ARMC2: variants seen among roughly 807,000 people sequenced by gnomAD.
ARMC2 encodes armadillo repeat-containing protein 2.
ARMC2 carries 67 observed loss-of-function variants against 90.3 expected under a neutral mutation model. The ratio of observed to expected loss-of-function variants is 0.74; its 90% CI spans 0.61 to 0.91. ARMC2 has a LOEUF of 0.91. ARMC2 is among the 40% of genes least tolerant of loss of function. The pLI is 0.00. For synonymous variants in ARMC2, 393 were observed against 393.0 expected, an observed-to-expected ratio of 1.00 and a Z score of 0.00; for missense variants, 920 against 1,030.9, an observed-to-expected ratio of 0.89 and a Z score of 1.47.
chr6:108,858,526 A>G (rs1392052907), intron 3 of ARMC2, among the ~76,000 whole-genome samples: 1 of 151,708 alleles, frequency 6.6e-6, no homozygotes, highest in Non-Finnish European at 1.5e-5. Context: ...CTTGGTAAGC[A>G]ATATTTCACA....
rs1438431466 is a variant in ARMC2 at position 108,904,101 on chromosome 6, T to C, written c.848-129T>C. ...TGGAAGTGATAAGATAAGAAAAAAA[T>C]AGAGGTCAGGAATTTGAAGATATCC... is the stretch of plus-strand genomic sequence containing the variant. On this transcript the variant is annotated intron_variant, in intron 7 of 17. Coordinates refer to ENST00000392644, the MANE Select transcript of ARMC2 (RefSeq NM_032131.6). The C allele has an allele frequency of 8.3e-6, 9 of 1,085,866 alleles. No individual in the cohort carries two copies. The East Asian group carries it at 2.0e-4, about 24-fold the overall frequency. 67.3% of individuals were successfully genotyped at this position (1,085,866 alleles called of 1,614,324 possible). A position where few individuals can be genotyped will look rare whatever the true frequency, so the allele number is the denominator to read the frequency against.
At chr6:108,980,993 T>C in the ARMC2 span, among the ~76,000 whole-genome samples, 1 of 152,230 alleles carries the variant, frequency 6.6e-6, no homozygotes, top group African/African-American at 2.4e-5. Flanking sequence ...AGCAAAATCC[T>C]CTAGGGACAC....
chr6:108,892,636 G>A (rs59226523), intron 5 of ARMC2, among the ~76,000 whole-genome samples: 392 of 152,024 alleles, frequency 2.6e-3, no homozygotes, highest in African/African-American at 9.1e-3. Flanking sequence ...GCACACGCCT[G>A]TAATCCCAGC....
the ARMC2 span, among the ~76,000 whole-genome samples, chr6:109,047,357 C>T: frequency 7.3e-6 from 1 of 136,254 alleles, no homozygotes; most frequent in East Asian, 2.3e-4. Flanking sequence ...GGGGTCAGCC[C>T]CCTGCCCGGC....
chr6:109,053,034 T>C, the ARMC2 span, among the ~76,000 whole-genome samples: 4 of 152,068 alleles, frequency 2.6e-5, no homozygotes, highest in East Asian at 7.7e-4. Flanking sequence ...AAAGGAGCTG[T>C]TCAAGACTAG....
At chr6:108,897,053 G>T (rs1771679105) in intron 6 of ARMC2, among the ~76,000 whole-genome samples, 1 of 152,022 alleles carries the variant, frequency 6.6e-6, no homozygotes, top group Non-Finnish European at 1.5e-5. Flanking sequence ...TTTACTTTTA[G>T]AATCCATATC....
At chr6:108,855,830 A>G (rs996056734) in intron 2 of ARMC2, among the ~76,000 whole-genome samples, 1 of 152,142 alleles carries the variant, frequency 6.6e-6, no homozygotes, top group Non-Finnish European at 1.5e-5. Flanking sequence ...ATCTTTTTAT[A>G]TACTTATTTT....
intron 3 of ARMC2, among the ~76,000 whole-genome samples, chr6:108,861,686 T>A (rs1775257557): frequency 6.6e-6 from 1 of 152,208 alleles, no homozygotes; most frequent in Non-Finnish European, 1.5e-5. Flanking sequence ...TGTTAACGTC[T>A]ACAACCTTGG....
At chr6:108,854,150 T>C (rs1774285548) in intron 1 of ARMC2, 75 bp from the exon 2 acceptor site, 1 of 726,858 alleles carries the variant, frequency 1.4e-6, no homozygotes, top group South Asian at 1.8e-5. Context: ...ATTTAGTATA[T>C]GGATGGGCTT....
chr6:109,004,670 T>C, the ARMC2 span, among the ~76,000 whole-genome samples: 1 of 152,170 alleles, frequency 6.6e-6, no homozygotes, highest in Non-Finnish European at 1.5e-5. Flanking sequence ...GACCTCGTGA[T>C]GCGCCCACCT....
At chr6:108,855,543 G>A (rs1328759824) in intron 2 of ARMC2, among the ~76,000 whole-genome samples, 5 of 152,122 alleles carry the variant, frequency 3.3e-5, no homozygotes, top group African/African-American at 9.7e-5. Flanking sequence ...GAGCGACCTC[G>A]CCCGGCCAAG....
At chr6:108,963,217 AT>A (rs1174097968) in intron 15 of ARMC2, among the ~76,000 whole-genome samples, 30 of 152,306 alleles carry the variant, frequency 2.0e-4, no homozygotes, top group African/African-American at 6.7e-4. Flanking sequence ...TGTCTCAAAT[AT>A]TTTTGTATGT....
intron 12 of ARMC2, among the ~76,000 whole-genome samples, chr6:108,942,991 A>T (rs768674382): frequency 2.0e-5 from 3 of 152,182 alleles, no homozygotes; most frequent in Non-Finnish European, 4.4e-5. Flanking sequence ...TTATCAGCGG[A>T]TGGGGAGCTT....
the ARMC2 span, chr6:108,987,751 TAA>T: frequency 2.0e-6 from 1 of 499,858 alleles, no homozygotes; most frequent in South Asian, 3.2e-5. Context: ...TAGTACAGCA[TAA>T]CTTAGCCTTG....
At chr6:109,046,239 AC>A in the ARMC2 span, among the ~76,000 whole-genome samples, 1 of 143,912 alleles carries the variant, frequency 6.9e-6, no homozygotes, top group Admixed American at 6.9e-5. Context: ...GATTGCAGGC[AC>A]GCGCCGCCAC....
chr6:108,866,963 A>G lies in ARMC2; in HGVS notation c.292-1861A>G, dbSNP rs79431941. On this transcript the variant is annotated intron_variant, in intron 3 of 17. Transcript: ENST00000392644. ...ATGTTCTATTCATGTATGTGGGAAAACAAGTGTTTGGGATTATGCGTCATA... is the reference window on the plus strand; with the variant it reads ...ATGTTCTATTCATGTATGTGGGAAAGCAAGTGTTTGGGATTATGCGTCATA... Among the ~76,000 whole-genome samples, 1,416 of 152,148 alleles carry G rather than the reference A, an allele frequency of 9.3e-3. 29 individuals carry two copies. Among genetic ancestry groups the G allele is most frequent in the African/African-American group, 0.033 (1,349 of 41,472 alleles).
At chr6:108,945,689 T>C (rs1776755272) in intron 12 of ARMC2, among the ~76,000 whole-genome samples, 1 of 152,240 alleles carries the variant, frequency 6.6e-6, no homozygotes, top group Non-Finnish European at 1.5e-5. Flanking sequence ...TGAACACTGA[T>C]TTGGAATGCT....
intron 1 of ARMC2, among the ~76,000 whole-genome samples, chr6:108,853,044 T>C (rs1172610326): frequency 2.0e-5 from 3 of 152,216 alleles, no homozygotes; most frequent in African/African-American, 4.8e-5. Context: ...TTGATAGTTA[T>C]ATTAATGAAT....
chr6:109,045,085 T>C, the ARMC2 span, among the ~76,000 whole-genome samples: 2 of 151,962 alleles, frequency 1.3e-5, no homozygotes, highest in Non-Finnish European at 2.9e-5. Flanking sequence ...TACCACCTCT[T>C]ATATTCCCTA....
Sources: gnomAD v4.1 joint callset for allele counts (sites outside exome capture counted in the v4.1 genomes callset) on GRCh38, gnomAD v4.1.1 for gene constraint, MANE v1.5 for transcripts, NCBI Gene and HGNC (gene_info 2026-07-23, HGNC 2026-07-21) for gene names.